CPQ: variants seen among roughly 807,000 people sequenced by gnomAD.
CPQ encodes the protein carboxypeptidase Q.
Under a neutral mutation model 45.7 loss-of-function variants are expected in CPQ, and 37 were observed. The observed-to-expected ratio is 0.81, with a 90% confidence interval of 0.62 to 1.07. The LOEUF (loss-of-function observed/expected upper bound fraction) is 1.07. Among genes scored for constraint, CPQ ranks in the 50% least tolerant of loss-of-function variants. The probability of loss-of-function intolerance (pLI) is 0.00; values close to 1 mark genes in which losing one functional copy is unlikely to be tolerated. For synonymous variants in CPQ, 186 were observed against 205.8 expected, an observed-to-expected ratio of 0.90 and a Z score of 0.82; for missense variants, 537 against 572.9, an observed-to-expected ratio of 0.94 and a Z score of 0.64.
At chr8:96,870,208 G>A (rs971243096) in intron 3 of CPQ, among the ~76,000 whole-genome samples, 1 of 151,822 alleles carries the variant, frequency 6.6e-6, no homozygotes, top group Non-Finnish European at 1.5e-5. Context: ...AAGATTAAAA[G>A]GTGCTGCATT....
chr8:96,762,686 G>A (rs956568136), intron 1 of CPQ, among the ~76,000 whole-genome samples: 12 of 152,012 alleles, frequency 7.9e-5, no homozygotes, highest in African/African-American at 1.7e-4. Context: ...ATTGTTTTAC[G>A]GGGGAGAAAG....
chr8:97,041,034 G>C (rs1198458911), intron 6 of CPQ, among the ~76,000 whole-genome samples: 2 of 152,176 alleles, frequency 1.3e-5, no homozygotes, highest in East Asian at 3.8e-4. Context: ...GTCATTGGTA[G>C]CTTGATGGGG....
intron 2 of CPQ, among the ~76,000 whole-genome samples, chr8:96,796,944 A>G (rs556843013): frequency 7.9e-5 from 12 of 152,200 alleles, no homozygotes; most frequent in Non-Finnish European, 1.6e-4. Flanking sequence ...CCAGCTATGA[A>G]TATCTTACAG....
chr8:97,077,283 G>A (rs149141515), intron 7 of CPQ, among the ~76,000 whole-genome samples: 1 of 152,314 alleles, frequency 6.6e-6, no homozygotes, highest in Non-Finnish European at 1.5e-5. Flanking sequence ...TAAATGTGAT[G>A]AAAAGTATGT....
intron 4 of CPQ, among the ~76,000 whole-genome samples, chr8:96,910,303 C>T (rs1265044073): frequency 1.3e-5 from 2 of 152,146 alleles, no homozygotes; most frequent in African/African-American, 4.8e-5. Flanking sequence ...AACTCTATTT[C>T]AAGGCTTTTG....
At chr8:97,073,398 A>G (rs1407114091) in intron 7 of CPQ, among the ~76,000 whole-genome samples, 1 of 152,232 alleles carries the variant, frequency 6.6e-6, no homozygotes, top group Non-Finnish European at 1.5e-5. Context: ...ACCAGATGGA[A>G]TAGCGCAGCC....
chr8:96,843,993 T>C (rs1475052735), intron 3 of CPQ, among the ~76,000 whole-genome samples: 1 of 152,242 alleles, frequency 6.6e-6, no homozygotes, highest in African/African-American at 2.4e-5. Flanking sequence ...TGGCTGCTAT[T>C]TTGCATTCAT....
intron 6 of CPQ, among the ~76,000 whole-genome samples, chr8:97,057,864 G>A (rs1005371568): frequency 6.6e-5 from 10 of 152,082 alleles, no homozygotes; most frequent in African/African-American, 1.9e-4. Context: ...GGGTATGGAC[G>A]GTAGTCACAG....
At chr8:96,920,082 G>A (rs191847936) in intron 4 of CPQ, among the ~76,000 whole-genome samples, 6 of 152,290 alleles carry the variant, frequency 3.9e-5, no homozygotes, top group African/African-American at 9.6e-5. Context: ...TATGTGGTAA[G>A]CTTTCAATAA....
chr8:96,712,144 A>C (rs1398675316), intron 1 of CPQ, among the ~76,000 whole-genome samples: 1 of 152,198 alleles, frequency 6.6e-6, no homozygotes, highest in Non-Finnish European at 1.5e-5. Context: ...CATGTCTCAC[A>C]TCCAGGTCAT....
chr8:97,142,088 G>A lies in CPQ; in HGVS notation c.1256-932G>A, dbSNP rs575573952. On this transcript the variant is annotated intron_variant, in intron 7 of 7. Transcript: ENST00000220763. ...ATAAATGGGTTTCCAAGATACTGGTGATATCATTCTTGCATTAAATTATGG... is the reference window on the plus strand; with the variant it reads ...ATAAATGGGTTTCCAAGATACTGGTAATATCATTCTTGCATTAAATTATGG... Among the ~76,000 whole-genome samples, 214 of 152,200 alleles carry A rather than the reference G, an allele frequency of 1.4e-3. 1 individual carries two copies. The highest frequency in any genetic ancestry group is 4.6e-3 in the African/African-American group (192 of 41,552).
intron 7 of CPQ, among the ~76,000 whole-genome samples, chr8:97,140,712 A>G (rs1044412307): frequency 2.0e-5 from 3 of 152,064 alleles, no homozygotes; most frequent in African/African-American, 7.2e-5. Flanking sequence ...ATGATTCTAA[A>G]ATTTATCTGA....
At chr8:96,945,523 T>A (rs1813178159) in intron 4 of CPQ, among the ~76,000 whole-genome samples, 2 of 152,126 alleles carry the variant, frequency 1.3e-5, no homozygotes, top group Admixed American at 1.3e-4. Flanking sequence ...GGAAATTGAT[T>A]TAAACAAAGC....
intron 6 of CPQ, 32 bp from the exon 7 acceptor site, chr8:97,065,977 A>G (rs1351837401): frequency 1.1e-5 from 17 of 1,604,150 alleles, no homozygotes; most frequent in African/African-American, 1.3e-5. Context: ...GAAGCAACAG[A>G]TAAGAACCAA....
chr8:97,029,368 T>G (rs1362067452), intron 5 of CPQ, 35 bp from the exon 6 acceptor site: 1 of 1,543,388 alleles, frequency 6.5e-7, no homozygotes, highest in Non-Finnish European at 8.8e-7. Context: ...CAAAATCAAC[T>G]AAAGTATCAC....
chr8:96,803,841 T>C (rs1340735037), intron 2 of CPQ, among the ~76,000 whole-genome samples: 1 of 152,224 alleles, frequency 6.6e-6, no homozygotes, highest in Non-Finnish European at 1.5e-5. Context: ...TGGCAAGGGC[T>C]GCCTGTAATC....
At chr8:96,942,410 C>A (rs1813136313) in intron 4 of CPQ, among the ~76,000 whole-genome samples, 1 of 152,126 alleles carries the variant, frequency 6.6e-6, no homozygotes, top group Non-Finnish European at 1.5e-5. Context: ...CAGCTCTGCC[C>A]AGTTGCCTTC....
intron 1 of CPQ, among the ~76,000 whole-genome samples, chr8:96,661,329 A>T (rs1311658838): frequency 6.6e-6 from 1 of 152,094 alleles, no homozygotes; most frequent in Non-Finnish European, 1.5e-5. Context: ...TGATGAACCC[A>T]TATAGACATA....
chr8:96,797,864 G>C (rs1810955044), intron 2 of CPQ, among the ~76,000 whole-genome samples: 1 of 151,990 alleles, frequency 6.6e-6, no homozygotes, highest in African/African-American at 2.4e-5. Context: ...ATCCTGGCTA[G>C]TGTGGTGAAA....
Sources: gnomAD v4.1 joint callset for allele counts (sites outside exome capture counted in the v4.1 genomes callset) on GRCh38, gnomAD v4.1.1 for gene constraint, MANE v1.5 for transcripts, NCBI Gene and HGNC (gene_info 2026-07-23, HGNC 2026-07-21) for gene names.